The following SQSTM1 variants were observed in gnomAD, a reference collection of about 807,000 sequenced individuals.
SQSTM1 encodes the protein sequestosome-1.
Under a neutral mutation model 45.1 loss-of-function variants are expected in SQSTM1, and 36 were observed. That is an observed-to-expected ratio of 0.80 (90% CI 0.61 to 1.05). The LOEUF (loss-of-function observed/expected upper bound fraction) is 1.05. SQSTM1 is among the 50% of genes least tolerant of loss of function. The pLI, the probability that SQSTM1 is intolerant of heterozygous loss-of-function variation, is 0.00. For missense variants in SQSTM1, 617 were observed against 607.1 expected (o/e 1.02, Z -0.17); for synonymous variants, 290 against 244.3 (o/e 1.19, Z -1.74).
chr5:179,819,266 C>A (rs1282267963), upstream of SQSTM1, among the ~76,000 whole-genome samples: 1 of 152,186 alleles, frequency 6.6e-6, no homozygotes, highest in African/African-American at 2.4e-5. Context: ...AGGGCCAGAG[C>A]CGGGTGTCCA....
chr5:179,819,550 C>T (rs1412227965), upstream of SQSTM1, among the ~76,000 whole-genome samples: 1 of 152,234 alleles, frequency 6.6e-6, no homozygotes, highest in Admixed American at 6.5e-5. Context: ...AGCCGGCCCT[C>T]GGCGGGGGCC....
upstream of SQSTM1, chr5:179,819,114 C>G (rs1757672357): frequency 3.3e-5 from 5 of 152,350 alleles, no homozygotes. Flanking sequence ...GACGCTGACT[C>G]ACTGCCGGCC....
At chr5:179,815,875 C>T (rs890674452), upstream of SQSTM1, among the ~76,000 whole-genome samples, 3 of 152,170 alleles carry the variant, frequency 2.0e-5, no homozygotes, top group Non-Finnish European at 2.9e-5. Context: ...GGCACACATA[C>T]ACTCCCACGC....
chr5:179,821,440 C>G (rs1209262197), intron 1 of SQSTM1: 3 of 608,714 alleles, frequency 4.9e-6, no homozygotes, highest in Non-Finnish European at 9.1e-6. Context: ...CTCCACCCCC[C>G]GCGCTGTTGG....
chr5:179,811,315 G>T (rs768183048), intron 1 of SQSTM1, among the ~76,000 whole-genome samples: 1 of 146,082 alleles, frequency 6.8e-6, no homozygotes, highest in Non-Finnish European at 1.5e-5. Context: ...AGCTCTGCAG[G>T]GGGGAGGAGC....
chr5:179,830,593 C>T (rs1482575074), intron 5 of SQSTM1, among the ~76,000 whole-genome samples: 1 of 151,784 alleles, frequency 6.6e-6, no homozygotes, highest in Non-Finnish European at 1.5e-5. Flanking sequence ...CAGAGTCTCG[C>T]TGTCGCCCAG....
At chr5:179,811,042 A>G (rs34731980) in intron 1 of SQSTM1, among the ~76,000 whole-genome samples, 3 of 152,148 alleles carry the variant, frequency 2.0e-5, no homozygotes, top group Non-Finnish European at 4.4e-5. Context: ...GGAGACCGAG[A>G]CCATCTTAGC....
At chr5:179,826,598 G>GTTTTTTT (rs549477595) in intron 5 of SQSTM1, among the ~76,000 whole-genome samples, 1 of 142,252 alleles carries the variant, frequency 7.0e-6, no homozygotes, top group Non-Finnish European at 1.5e-5. Context: ...TCGCTAGTCT[G>GTTTTTTT]TTTTTTTTTT....
rs781300399 is a variant in SQSTM1, at chr5:179,836,705, CAG to C, written c.*113_*114del. The stretch of plus-strand genomic sequence containing the variant: ...CAGTTTCTCTGCCTTCTTCCAGGAT[CAG>C]GGGTTAGGGTGCAAGAAGCCATTTA... On this transcript the variant is annotated 3_prime_UTR_variant, in exon 8 of 8. Transcript: ENST00000389805. The C allele has an allele frequency of 1.9e-6, 3 of 1,547,206 alleles. No homozygotes were observed. In the South Asian group the frequency reaches 3.3e-5, roughly 17 times the overall value.
chr5:179,828,309 T>C (rs1215133470), intron 5 of SQSTM1, among the ~76,000 whole-genome samples: 4 of 151,998 alleles, frequency 2.6e-5, no homozygotes, highest in Non-Finnish European at 5.9e-5. Context: ...TGGGTATTGA[T>C]TGTACTATTC....
chr5:179,811,417 G>C (rs1276117562), intron 1 of SQSTM1, among the ~76,000 whole-genome samples: 6 of 128,980 alleles, frequency 4.7e-5, no homozygotes, highest in Admixed American at 8.4e-5. Context: ...AGCTATGCAG[G>C]GGGGAGGAGC....
upstream of SQSTM1, among the ~76,000 whole-genome samples, chr5:179,814,340 T>G (rs1004631460): frequency 1.3e-5 from 2 of 152,184 alleles, no homozygotes; most frequent in Non-Finnish European, 2.9e-5. Flanking sequence ...CTTTGGAGAA[T>G]GTACATCACT....
chr5:179,836,098 G>T, intron 7 of SQSTM1: 1 of 432,716 alleles, frequency 2.3e-6, no homozygotes, highest in Admixed American at 3.5e-5. Context: ...ATCATCTCTT[G>T]CATGGAGGAG....
chr5:179,809,325 ATTTTTTTTTTT>A lies in SQSTM1; in HGVS notation c.-156-2230_-156-2220del, dbSNP rs71001049. Among the ~76,000 whole-genome samples, 26 of 41,078 alleles carry A rather than the reference ATTTTTTTTTTT, an allele frequency of 6.3e-4. No homozygotes were observed. In the South Asian group the frequency reaches 0.011, roughly 17 times the overall value. The allele number at this position is 41,078 out of a possible 152,430, so 26.9% of individuals were successfully genotyped here. A position where few individuals can be genotyped will look rare whatever the true frequency, so the allele number is the denominator to read the frequency against. ...AGGCGCCCGCCACCACGCCTGGCTA[ATTTTTTTTTTT>A]TTTTTTTTTTTTTTTTTTGAGACAG... On this transcript the variant is annotated intron_variant, in intron 1 of 5. Coordinates refer to the SQSTM1 transcript ENST00000514093.
At chr5:179,823,445 CAAAAAAAAAAAAAAAAAAAAAA>C (rs59899831) in intron 2 of SQSTM1, 36 of 55,906 alleles carry the variant, frequency 6.4e-4, no homozygotes, top group African/African-American at 2.0e-3. Context: ...GCCTAGGCGA[CAAAAAAAAAAAAAAAAAAAAAA>C]AAAAAAAAAA....
rs1393614103 is a variant in SQSTM1, at chr5:179,833,068, AAAGAAGC to A, written c.792_798del (p.Lys264AsnfsTer3). ...GATATCGATGTGGAGCACGGAGGGA[AAAGAAGC>A]CGCCTGACCCCCGTCTCTCCAGAGA... On this transcript the variant is annotated frameshift_variant, in exon 6 of 8. Transcript: ENST00000389805. LOFTEE classifies it high-confidence loss of function. 1 of 1,614,156 alleles carries A rather than the reference AAAGAAGC, an allele frequency of 6.2e-7. No individual in the cohort carries two copies. The highest frequency in any genetic ancestry group is 8.5e-7 in the Non-Finnish European group (1 of 1,180,022).
intron 1 of SQSTM1, among the ~76,000 whole-genome samples, chr5:179,809,573 G>C (rs1321025221): frequency 7.0e-6 from 1 of 143,496 alleles, no homozygotes; most frequent in East Asian, 2.1e-4. Context: ...TCCTGACCTC[G>C]TGATCCACCT....
rs767512628 is a variant in SQSTM1 at position 179,824,019 on chromosome 5, G to A, written c.463G>A (p.Glu155Lys). 22 of 1,613,890 alleles carry A rather than the reference G, an allele frequency of 1.4e-5. No homozygotes were observed. Among genetic ancestry groups the A allele is most frequent in the Non-Finnish European group, 1.9e-5 (22 of 1,180,040 alleles). Residue 155 changes from glutamate to lysine, a missense_variant, in exon 3 of 8, where the codon GAG (glutamate) becomes AAG (lysine). Coordinates refer to ENST00000389805, the MANE Select transcript of SQSTM1 (RefSeq NM_003900.5). The part of the protein sequence containing the change: ...CPDYDLCSVC[E>K]GKGLHRGHTK... Reference sequence around the variant, plus strand: ...AGACTACGACTTGTGTAGCGTCTGCGAGGGAAAGGGCTTGCACCGGGGGCA... The same window carrying A: ...AGACTACGACTTGTGTAGCGTCTGCAAGGGAAAGGGCTTGCACCGGGGGCA...
intron 7 of SQSTM1, among the ~76,000 whole-genome samples, chr5:179,834,243 GT>G (rs1348083087): frequency 0.018 from 1,712 of 93,442 alleles, 147 homozygotes; most frequent in African/African-American, 0.027. Context: ...CAGTGGGGGG[GT>G]GGGGGGTGGG....
Sources: gnomAD v4.1 joint callset for allele counts (sites outside exome capture counted in the v4.1 genomes callset) on GRCh38, gnomAD v4.1.1 for gene constraint, MANE v1.5 for transcripts, NCBI Gene and HGNC (gene_info 2026-07-23, HGNC 2026-07-21) for gene names.